The following TMEM132D variants were observed in gnomAD, a reference collection of about 807,000 sequenced individuals.
TMEM132D encodes transmembrane protein 132D, also known as mature OL transmembrane protein.
Under a neutral mutation model 62.3 loss-of-function variants are expected in TMEM132D, and 21 were observed. The observed-to-expected ratio is 0.34, with a 90% CI of 0.24 to 0.49. The LOEUF (loss-of-function observed/expected upper bound fraction) is 0.49. Among genes scored for constraint, TMEM132D ranks in the 20% least tolerant of loss-of-function variants. The probability of loss-of-function intolerance (pLI) is 0.99; values close to 1 mark genes in which losing one functional copy is unlikely to be tolerated. For missense variants in TMEM132D, 1,346 were observed against 1,402.8 expected (o/e 0.96, Z 0.65); for synonymous variants, 621 against 575.6 (o/e 1.08, Z -1.13).
intron 1 of TMEM132D, among the ~76,000 whole-genome samples, chr12:129,787,098 A>G (rs1871267608): frequency 6.6e-6 from 1 of 152,114 alleles, no homozygotes; most frequent in East Asian, 1.9e-4. Context: ...AAATCAGGTG[A>G]AATTCAACCA....
At chr12:129,177,161 C>T (rs974291212) in intron 5 of TMEM132D, among the ~76,000 whole-genome samples, 1 of 152,208 alleles carries the variant, frequency 6.6e-6, no homozygotes, top group Non-Finnish European at 1.5e-5. Flanking sequence ...AGTGGAATTA[C>T]AAGTAAGAGT....
rs557798275 is a variant in TMEM132D, at chr12:129,191,388, C to T, written c.1443+18132G>A. Among the ~76,000 whole-genome samples, 3 of 150,282 alleles carry T rather than the reference C, an allele frequency of 2.0e-5. No individual in the cohort carries two copies. The East Asian group carries it at 5.9e-4, about 30-fold the overall frequency. ...AAAATAGGTTATGTATAAGAAATTA[C>T]ACATATAGAATACAGAATAGAGAGA... On this transcript the variant is annotated intron_variant, in intron 5 of 8. Transcript: ENST00000422113.
intron 4 of TMEM132D, among the ~76,000 whole-genome samples, chr12:129,258,360 C>G (rs189843086): frequency 6.6e-6 from 1 of 152,122 alleles, no homozygotes; most frequent in Admixed American, 6.5e-5. Context: ...GCATCAAGCA[C>G]ACATATTTGT....
In TMEM132D at chr12:129,259,066, C is replaced by A. The variant is rs542576124; in HGVS notation, c.1300-49403G>T. Among the ~76,000 whole-genome samples, 14 of 152,258 alleles carry A rather than the reference C, an allele frequency of 9.2e-5. No individual in the cohort carries two copies. The South Asian group carries it at 2.7e-3, about 29-fold the overall frequency. ...GGCTTCTGGAGCATTAACCATACAG[C>A]AGGGTTGTAGACACTCCAGGGCCTC... On this transcript the variant is annotated intron_variant, in intron 4 of 8. Coordinates refer to ENST00000422113, the MANE Select transcript of TMEM132D (RefSeq NM_133448.3).
chr12:129,634,036 T>A (rs1278802177), intron 2 of TMEM132D, among the ~76,000 whole-genome samples: 1 of 152,166 alleles, frequency 6.6e-6, no homozygotes, highest in Non-Finnish European at 1.5e-5. Flanking sequence ...CTATTATGGC[T>A]CTCAGAACCC....
At chr12:129,792,665 A>C (rs189632138) in intron 1 of TMEM132D, among the ~76,000 whole-genome samples, 1 of 152,330 alleles carries the variant, frequency 6.6e-6, no homozygotes, top group African/African-American at 2.4e-5. Flanking sequence ...ATGCTGAGAC[A>C]ATAAAAAAGT....
chr12:129,668,748 C>T (rs1344191681), intron 2 of TMEM132D, among the ~76,000 whole-genome samples: 2 of 152,188 alleles, frequency 1.3e-5, no homozygotes, highest in African/African-American at 2.4e-5. Context: ...TAGTTAATTG[C>T]ATACGTGCAA....
intron 3 of TMEM132D, among the ~76,000 whole-genome samples, chr12:129,489,752 GT>G (rs1329550010): frequency 2.0e-5 from 3 of 152,314 alleles, no homozygotes. Context: ...CTGATAGCAA[GT>G]GGATTTTAAA....
At chr12:129,875,063 A>AATCAAGCT (rs1303051235) in intron 1 of TMEM132D, among the ~76,000 whole-genome samples, 1 of 152,260 alleles carries the variant, frequency 6.6e-6, no homozygotes, top group Non-Finnish European at 1.5e-5. Context: ...TCAATAAGTA[A>AATCAAGCT]ATCAAGCTGT....
chr12:129,428,083 G>A (rs1368650589), intron 3 of TMEM132D, among the ~76,000 whole-genome samples: 1 of 152,064 alleles, frequency 6.6e-6, no homozygotes, highest in Non-Finnish European at 1.5e-5. Flanking sequence ...AGAGAAGAGA[G>A]GAAACAGGGA....
At chr12:129,819,229 C>CGG (rs1555233759) in intron 1 of TMEM132D, among the ~76,000 whole-genome samples, 3 of 151,768 alleles carry the variant, frequency 2.0e-5, no homozygotes, top group Admixed American at 1.3e-4. Context: ...TTCTACCTAC[C>CGG]CCACAGTGCC....
chr12:129,296,926 T>C (rs1881593230), intron 4 of TMEM132D, among the ~76,000 whole-genome samples: 1 of 152,234 alleles, frequency 6.6e-6, no homozygotes, highest in Admixed American at 6.5e-5. Flanking sequence ...TACAAAGGAA[T>C]GCTTCTCAGA....
chr12:129,548,409 G>A (rs576596064), intron 2 of TMEM132D, among the ~76,000 whole-genome samples: 5 of 152,276 alleles, frequency 3.3e-5, no homozygotes, highest in Admixed American at 2.0e-4. Flanking sequence ...ATCTATTAAT[G>A]TAATCTGCTA....
At chr12:129,706,627 G>A (rs1299889340) in intron 1 of TMEM132D, among the ~76,000 whole-genome samples, 1 of 151,826 alleles carries the variant, frequency 6.6e-6, no homozygotes, top group African/African-American at 2.4e-5. Flanking sequence ...AATAACTAAT[G>A]CTATTATAAT....
chr12:129,307,209 C>T (rs1410531320), intron 4 of TMEM132D, among the ~76,000 whole-genome samples: 2 of 152,030 alleles, frequency 1.3e-5, no homozygotes, highest in African/African-American at 4.8e-5. Context: ...TAAAGAGTTT[C>T]TAGGAGATTT....
intron 1 of TMEM132D, among the ~76,000 whole-genome samples, chr12:129,804,302 G>C (rs1871900139): frequency 9.9e-6 from 1 of 101,270 alleles, no homozygotes; most frequent in Admixed American, 1.2e-4. Flanking sequence ...TAAAATACTG[G>C]CAAAACGAAT....
intron 3 of TMEM132D, among the ~76,000 whole-genome samples, chr12:129,466,155 C>G (rs1341732160): frequency 6.6e-6 from 1 of 152,012 alleles, no homozygotes; most frequent in Non-Finnish European, 1.5e-5. Context: ...TTATTGTTAT[C>G]ATTATTTTCT....
intron 1 of TMEM132D, among the ~76,000 whole-genome samples, chr12:129,707,520 T>G (rs1329886549): frequency 6.6e-6 from 1 of 152,174 alleles, no homozygotes; most frequent in Non-Finnish European, 1.5e-5. Context: ...CTCTCAATTT[T>G]TCTATAGAAT....
chr12:129,530,912 A>G (rs1241523093), intron 3 of TMEM132D, 147 bp downstream of exon 3: 3 of 802,206 alleles, frequency 3.7e-6, no homozygotes, highest in Non-Finnish European at 3.8e-6. Flanking sequence ...GATTCCATTC[A>G]TCTACCTGGA....
Sources: gnomAD v4.1 joint callset for allele counts (sites outside exome capture counted in the v4.1 genomes callset) on GRCh38, gnomAD v4.1.1 for gene constraint, MANE v1.5 for transcripts, NCBI Gene and HGNC (gene_info 2026-07-23, HGNC 2026-07-21) for gene names.